Variants in KIF19 observed in about 807,000 individuals in gnomAD.
The protein encoded by KIF19 is kinesin-like protein KIF19.
Under a neutral mutation model 106.6 loss-of-function variants are expected in KIF19, and 98 were observed. The observed-to-expected ratio is 0.92, with a 90% CI of 0.78 to 1.09. The LOEUF is 1.09. Ranked by LOEUF, KIF19 falls within the 50% of genes least tolerant of loss-of-function variation. The pLI, the probability that KIF19 is intolerant of heterozygous loss-of-function variation, is 0.00. For synonymous variants in KIF19, 516 were observed against 584.2 expected, an observed-to-expected ratio of 0.88 and a Z score of 1.68; for missense variants, 1,373 against 1,414.3, an observed-to-expected ratio of 0.97 and a Z score of 0.47.
At chr17:74,342,590 C>G (rs372766186) in intron 3 of KIF19, 40 bp from the exon 4 acceptor site, 2 of 1,526,592 alleles carry the variant, frequency 1.3e-6, no homozygotes, top group East Asian at 2.3e-5. Context: ...TGCTGTGCCC[C>G]GCCTGTGTCC....
rs2144198061 is a variant in KIF19 at position 74,331,244 on chromosome 17, T to C, written c.120+2739T>C. Among the ~76,000 whole-genome samples, 1 of 152,204 alleles carries C rather than the reference T, an allele frequency of 6.6e-6. No individual in the cohort carries two copies. The highest frequency in any genetic ancestry group is 2.1e-4 in the South Asian group (1 of 4,806). ...GGGGTCCAGTCCTCGTCAGCTTCTC[T>C]GATGGGGCCAGCTGGCCCGTCAAAG... On this transcript the variant is annotated intron_variant, in intron 2 of 19. Transcript: ENST00000389916. The surrounding 1 kb of genome is among the most constrained non-coding windows in gnomAD (Gnocchi z 4.1).
chr17:74,337,015 G>A (rs1245706920), intron 2 of KIF19, among the ~76,000 whole-genome samples: 1 of 152,070 alleles, frequency 6.6e-6, no homozygotes, highest in Non-Finnish European at 1.5e-5. Flanking sequence ...TAGTATTTTA[G>A]TAGAGACGGG....
chr17:74,342,179 G>A (rs973649033), intron 3 of KIF19, among the ~76,000 whole-genome samples, 193 bp downstream of exon 3: 3 of 152,160 alleles, frequency 2.0e-5, no homozygotes, highest in Non-Finnish European at 4.4e-5. Flanking sequence ...CCTCCTGCAA[G>A]GATGCACTGG....
At position 74,355,329 on chromosome 17, in the gene KIF19, C is replaced by A; in HGVS notation, c.*17C>A. The stretch of plus-strand genomic sequence containing the variant: ...CATAACTGAGGGGCCCTGCCTGGAA[C>A]TGGCTCTCTCACCTCCCAAGACTGA... On this transcript the variant is annotated 3_prime_UTR_variant, in exon 20 of 20. Transcript: ENST00000389916. 6.3e-7 allele frequency: 1 copy of A among 1,593,130 alleles called. No homozygotes were observed. Among genetic ancestry groups the A allele is most frequent in the Non-Finnish European group, 8.5e-7 (1 of 1,171,660 alleles).
chr17:74,344,873 G>A lies in KIF19; in HGVS notation c.695G>A (p.Ser232Asn), dbSNP rs1598388424. The A allele has an allele frequency of 6.2e-7, 1 of 1,612,730 alleles. No homozygotes were observed. The highest frequency in any genetic ancestry group is 1.3e-5 in the African/African-American group (1 of 75,076). ...AVLQVTVRQR[S>N]RVKNILQEVR... Reference sequence around the variant, plus strand: ...CTGCAGGTGACCGTGCGCCAGCGCAGCCGGGTCAAGAACATCTTGCAGGAG... The same window carrying A: ...CTGCAGGTGACCGTGCGCCAGCGCAACCGGGTCAAGAACATCTTGCAGGAG... Residue 232 changes from serine to asparagine, a missense_variant, in exon 7 of 20, where the codon AGC becomes AAC. By Grantham distance (46) the Ser-to-Asn change is conservative. Around this residue, in one of 3 missense-constraint regions of KIF19, gnomAD observed 348 missense variants for 389.5 expected, o/e 0.89. Transcript: ENST00000389916.
chr17:74,351,202 G>T (rs1383074903), intron 12 of KIF19: 6 of 413,374 alleles, frequency 1.5e-5, no homozygotes, highest in Middle Eastern at 7.4e-4. Context: ...GGTTTTTCAG[G>T]CTGGGCACAG....
intron 2 of KIF19, among the ~76,000 whole-genome samples, chr17:74,335,267 G>GA (rs1188052402): frequency 6.6e-6 from 1 of 152,244 alleles, no homozygotes; most frequent in Non-Finnish European, 1.5e-5. Context: ...CCACAGCAAA[G>GA]AATGATCCAG....
chr17:74,353,007 G>A, intron 15 of KIF19, 53 bp downstream of exon 15: 1 of 1,603,772 alleles, frequency 6.2e-7, no homozygotes, highest in South Asian at 1.1e-5. Flanking sequence ...GTCCCAGAGA[G>A]GCCAACCCAG....
chr17:74,342,648 A>G lies in KIF19; in HGVS notation c.250A>G (p.Thr84Ala), dbSNP rs754365782. 6.2e-6 allele frequency: 10 copies of G among 1,613,370 alleles called. No homozygotes were observed. The highest frequency in any genetic ancestry group is 8.5e-6 in the Non-Finnish European group (10 of 1,179,792). Residue 84 changes from threonine to alanine, a missense_variant, in exon 4 of 20, where the codon ACC (threonine) becomes GCC (alanine). By Grantham distance (58) the Thr-to-Ala change is moderately conservative (BLOSUM62 0). Transcript: ENST00000389916. ...TATQEMVYQA[T>A]TKSLIEGVIS... ...CTCGCAGGAGATGGTGTATCAGGCCACCACCAAGAGCCTCATCGAGGGCGT... is the reference window on the plus strand; with the variant it reads ...CTCGCAGGAGATGGTGTATCAGGCCGCCACCAAGAGCCTCATCGAGGGCGT...
At chr17:74,349,143 G>T (rs770397190) in intron 9 of KIF19, 41 bp from the exon 10 acceptor site, 1 of 1,611,180 alleles carries the variant, frequency 6.2e-7, no homozygotes, top group Admixed American at 1.7e-5. Context: ...AGTGCACCTG[G>T]GGTGACTGCA....
rs1476077698 is a variant in KIF19, at chr17:74,355,442, C to T, written c.*130C>T. 3 of 1,231,730 alleles carry T rather than the reference C, an allele frequency of 2.4e-6. No individual in the cohort carries two copies. The East Asian group carries it at 7.8e-5, about 32-fold the overall frequency. The allele number at this position is 1,231,730 out of a possible 1,614,324, so 76.3% of individuals were successfully genotyped here. ...TCAGGATCTCAGCAGGCCAGGGCTC[C>T]TGAGACCCAGGAACTGGGGTCTCTG... is the stretch of plus-strand genomic sequence containing the variant. On this transcript the variant is annotated 3_prime_UTR_variant, in exon 20 of 20. Coordinates refer to ENST00000389916, the MANE Select transcript of KIF19 (RefSeq NM_153209.4).
chr17:74,346,411 G>A lies in KIF19; in HGVS notation c.811G>A (p.Ala271Thr), dbSNP rs1479317846. ...QNRGQRMKEG[A>T]HINRSLLALG... is the part of the protein sequence containing the mutation. ...TCGTGGGCAGCGTATGAAGGAGGGGGCCCACATCAACCGCTCACTGCTGGC... is the reference window on the plus strand; with the variant it reads ...TCGTGGGCAGCGTATGAAGGAGGGGACCCACATCAACCGCTCACTGCTGGC... Residue 271 changes from alanine (A) to threonine (T), a missense_variant, in exon 8 of 20, where the codon GCC becomes ACC. By Grantham distance (58) the Ala-to-Thr change is moderately conservative (BLOSUM62 0). Coordinates refer to ENST00000389916, the MANE Select transcript of KIF19 (RefSeq NM_153209.4). The surrounding 1 kb of genome is among the most constrained non-coding windows in gnomAD (Gnocchi z 4.6). 7.6e-6 allele frequency: 12 copies of A among 1,575,330 alleles called. No homozygotes were observed. In the East Asian group the frequency reaches 2.4e-4, roughly 31 times the overall value.
Position 74,346,631 on chromosome 17 carries a change from A to C in KIF19, c.924+107A>C. 9.6e-7 allele frequency: 1 copy of C among 1,036,710 alleles called. No individual in the cohort carries two copies. The highest frequency in any genetic ancestry group is 1.4e-6 in the Non-Finnish European group (1 of 716,560). 64.2% of individuals were successfully genotyped at this position (1,036,710 alleles called of 1,614,324 possible). A position where few individuals can be genotyped will look rare whatever the true frequency, so the allele number is the denominator to read the frequency against. On this transcript the variant is annotated intron_variant, in intron 8 of 19. Coordinates refer to ENST00000389916, the MANE Select transcript of KIF19 (RefSeq NM_153209.4). This position sits in a 1 kb window ranked among gnomAD's most constrained non-coding sequence, Gnocchi z 4.6. ...GCTAAATTCCAACCTCAGGATACAC[A>C]GCAAAATTTATTTTAGCGTAAATAT...
chr17:74,353,393 C>G, intron 16 of KIF19, 92 bp downstream of exon 16: 11 of 1,445,292 alleles, frequency 7.6e-6, no homozygotes, highest in Non-Finnish European at 1.0e-5. Context: ...GGACCCTTTC[C>G]CAAACGGCAC....
At chr17:74,332,220 G>GTGTGTGTT (rs1567897763) in intron 2 of KIF19, among the ~76,000 whole-genome samples, 30 of 131,174 alleles carry the variant, frequency 2.3e-4, no homozygotes, top group African/African-American at 2.8e-4. Flanking sequence ...TTGTGTGTGT[G>GTGTGTGTT]TGTGTGTGTG....
rs1326762619 is a variant in KIF19, at chr17:74,342,722, G to C, written c.319+5G>C. The C allele has an allele frequency of 6.2e-7, 1 of 1,612,798 alleles. No homozygotes were observed. The highest frequency in any genetic ancestry group is 8.5e-7 in the Non-Finnish European group (1 of 1,179,084). On this transcript the variant is annotated splice_donor_5th_base_variant and intron_variant, in intron 4 of 19. Transcript: ENST00000389916. The stretch of plus-strand genomic sequence containing the variant: ...TCTTTGCCTATGGCCCCACAGGTAA[G>C]GGGAATGCCCAGACTGTGGGCGAGG...
Position 74,354,914 on chromosome 17 carries a change from G to GTCAAAC in KIF19, c.2842_2847dup (p.Lys948_Leu949dup). The stretch of plus-strand genomic sequence containing the variant: ...AAAGGTCACGCTACCTTTGGCCAAA[G>GTCAAAC]TCAAACTCCCTCCAAGCCAGAACAC... On this transcript the variant is annotated inframe_insertion, in exon 19 of 20. Transcript: ENST00000389916. 1 of 1,576,546 alleles carries GTCAAAC rather than the reference G, an allele frequency of 6.3e-7. No homozygotes were observed. Among genetic ancestry groups the GTCAAAC allele is most frequent in the Non-Finnish European group, 8.6e-7 (1 of 1,161,408 alleles).
At chr17:74,327,825 G>A (rs2053955402) in intron 1 of KIF19, among the ~76,000 whole-genome samples, 1 of 152,240 alleles carries the variant, frequency 6.6e-6, no homozygotes, top group Admixed American at 6.5e-5. Flanking sequence ...ACACCCAGCA[G>A]CTGTTGCCCT....
chr17:74,342,958 GT>G, intron 4 of KIF19, 65 bp from the exon 5 acceptor site: 1 of 1,509,356 alleles, frequency 6.6e-7, no homozygotes. Context: ...GTTTCCAGGA[GT>G]GCCTGCCCAG....
Sources: allele counts gnomAD v4.1 joint callset (sites outside exome capture counted in the v4.1 genomes callset), GRCh38; gene constraint gnomAD v4.1.1; regional missense constraint gnomAD v4.1.1; non-coding constraint Gnocchi (gnomAD v3.1); transcripts MANE v1.5; gene names NCBI Gene and HGNC (gene_info 2026-07-23, HGNC 2026-07-21).